Variants in TRPC5OS observed in about 807,000 individuals in gnomAD.
The protein encoded by TRPC5OS is TRPC5 opposite strand, also known as putative uncharacterized protein TRPC5OS.
For synonymous variants in TRPC5OS, 30 were observed against 29.3 expected, an observed-to-expected ratio of 1.02 and a Z score of -0.08; for missense variants, 64 against 79.3, an observed-to-expected ratio of 0.81 and a Z score of 0.73.
chrX:111,903,846 C>G lies in TRPC5OS; in HGVS notation c.*1661C>G, dbSNP rs1028442074. The G allele has an allele frequency of 8.9e-6, 1 of 111,997 alleles. No individual in the cohort carries two copies. Among genetic ancestry groups the G allele is most frequent in the African/African-American group, 3.2e-5 (1 of 30,821 alleles). 9.2% of individuals were successfully genotyped at this position (111,997 alleles called of 1,213,427 possible). A position where few individuals can be genotyped will look rare whatever the true frequency, so the allele number is the denominator to read the frequency against. On this transcript the variant is annotated 3_prime_UTR_variant, in exon 4 of 4. Coordinates refer to ENST00000635763, the MANE Select transcript of TRPC5OS (RefSeq NM_001195578.2). ...GGTTAAAATATGTGGGGAGTTGTGC[C>G]TATATAAATTCTTATGTGTGATGAT...
At chrX:111,888,440 C>G (rs1323530830) in intron 1 of TRPC5OS, among the ~76,000 whole-genome samples, 8 of 103,463 alleles carry the variant, frequency 7.7e-5, no homozygotes, top group Non-Finnish European at 9.8e-5. Context: ...TTTGGGAGGC[C>G]GAGGCGGGCG....
At chrX:111,893,191 C>T (rs751845141) in intron 1 of TRPC5OS, among the ~76,000 whole-genome samples, 1 of 109,737 alleles carries the variant, frequency 9.1e-6, no homozygotes, top group Non-Finnish European at 1.9e-5. Flanking sequence ...TTTTCCCTCT[C>T]AGAAAGCTGA....
intron 1 of TRPC5OS, among the ~76,000 whole-genome samples, chrX:111,881,633 T>C (rs1200931561): frequency 9.3e-6 from 1 of 108,103 alleles, no homozygotes; most frequent in Non-Finnish European, 1.9e-5. Context: ...CAATTCAGGG[T>C]TTGCTTGCTG....
chrX:111,890,874 C>A (rs752204702), intron 1 of TRPC5OS, among the ~76,000 whole-genome samples: 8 of 111,226 alleles, frequency 7.2e-5, no homozygotes, highest in Non-Finnish European at 9.4e-5. Flanking sequence ...TCCTCCCACC[C>A]TCGACCCTCT....
intron 1 of TRPC5OS, among the ~76,000 whole-genome samples, chrX:111,881,142 TTTTG>T (rs200711111): frequency 1.8e-3 from 188 of 104,918 alleles, no homozygotes; most frequent in African/African-American, 6.9e-3. Context: ...TGTGATTTTC[TTTTG>T]TTTATTTTAT....
Position 111,902,689 on chromosome X carries a change from G to T in TRPC5OS, c.*504G>T, listed in dbSNP as rs1180372272. On this transcript the variant is annotated 3_prime_UTR_variant, in exon 4 of 4. Transcript: ENST00000635763. ...CCTTACTTATCCTTTAAGAAAGCAT[G>T]TGTCCGACAAAAAATGCTATAGCAG... is the stretch of plus-strand genomic sequence containing the variant. 1 of 112,229 alleles carries T rather than the reference G, an allele frequency of 8.9e-6. No individual in the cohort carries two copies. Among genetic ancestry groups the T allele is most frequent in the East Asian group, 2.8e-4 (1 of 3,592 alleles). 9.2% of individuals were successfully genotyped at this position (112,229 alleles called of 1,213,427 possible). A position where few individuals can be genotyped will look rare whatever the true frequency, so the allele number is the denominator to read the frequency against.
At position 111,901,846 on chromosome X, in the gene TRPC5OS, C is replaced by A. The variant is rs1221392172; in HGVS notation, c.-4C>A. On this transcript the variant is annotated 5_prime_UTR_variant, in exon 4 of 4. Coordinates refer to ENST00000635763, the MANE Select transcript of TRPC5OS (RefSeq NM_001195578.2). ...ATTTTATCTATTTAGAAGAGCACTG[C>A]AGCATGGATTCTGTGTTAATTCATG... is the stretch of plus-strand genomic sequence containing the variant. The A allele has an allele frequency of 2.7e-6, 3 of 1,120,885 alleles. No individual in the cohort carries two copies. Among genetic ancestry groups the A allele is most frequent in the Non-Finnish European group, 3.5e-6 (3 of 853,951 alleles). The allele number at this position is 1,120,885 out of a possible 1,213,427, so 92.4% of individuals were successfully genotyped here. A position where few individuals can be genotyped will look rare whatever the true frequency, so the allele number is the denominator to read the frequency against.
At chrX:111,882,572 C>T (rs2148600471) in intron 1 of TRPC5OS, among the ~76,000 whole-genome samples, 1 of 113,154 alleles carries the variant, frequency 8.8e-6, no homozygotes, top group African/African-American at 3.2e-5. Context: ...GCCAGCACCT[C>T]AGCTTAGATA....
intron 1 of TRPC5OS, among the ~76,000 whole-genome samples, chrX:111,893,781 CCTA>C: frequency 8.9e-6 from 1 of 111,794 alleles, no homozygotes; most frequent in Non-Finnish European, 1.9e-5. Context: ...AATGTCAGAT[CCTA>C]TAACAGGCAA....
chrX:111,886,512 G>T (rs140071714), intron 1 of TRPC5OS, among the ~76,000 whole-genome samples: 1 of 111,482 alleles, frequency 9.0e-6, no homozygotes, highest in African/African-American at 3.3e-5. Flanking sequence ...TTTCATTATG[G>T]GATATTTGTT....
chrX:111,884,157 T>A (rs1056978598), intron 1 of TRPC5OS, among the ~76,000 whole-genome samples: 2 of 112,183 alleles, frequency 1.8e-5, no homozygotes, highest in Non-Finnish European at 3.8e-5. Flanking sequence ...CTGGCTAGAG[T>A]TTTATTAAGG....
At chrX:111,893,376 A>G (rs1460284585) in intron 1 of TRPC5OS, among the ~76,000 whole-genome samples, 1 of 111,839 alleles carries the variant, frequency 8.9e-6, no homozygotes, top group Non-Finnish European at 1.9e-5. Context: ...CATAGCAGCC[A>G]AGCCTCAAGG....
chrX:111,900,889 A>G (rs1023778768), intron 3 of TRPC5OS, among the ~76,000 whole-genome samples: 1 of 111,932 alleles, frequency 8.9e-6, no homozygotes, highest in African/African-American at 3.2e-5. Flanking sequence ...GCCAATATCT[A>G]GATTTTCAAA....
intron 1 of TRPC5OS, among the ~76,000 whole-genome samples, chrX:111,881,270 G>A: frequency 9.1e-6 from 1 of 109,839 alleles, no homozygotes; most frequent in East Asian, 2.8e-4. Flanking sequence ...TCCACCTCCC[G>A]GGTTCAAGTG....
intron 1 of TRPC5OS, among the ~76,000 whole-genome samples, chrX:111,892,893 A>G (rs1015722490): frequency 3.6e-5 from 4 of 111,562 alleles, no homozygotes; most frequent in African/African-American, 9.8e-5. Flanking sequence ...CTCCAGTGCA[A>G]TTATATCAGC....
chrX:111,882,237 C>A lies in TRPC5OS; in HGVS notation c.-546+5964C>A, dbSNP rs773057026. 8.4e-5 allele frequency among the ~76,000 whole-genome samples: 9 copies of A among 107,193 alleles called. No individual in the cohort carries two copies. The South Asian group carries it at 2.0e-3, about 24-fold the overall frequency. The allele number at this position is 107,193 out of a possible 115,157, so 93.1% of individuals were successfully genotyped here. A position where few individuals can be genotyped will look rare whatever the true frequency, so the allele number is the denominator to read the frequency against. ...GGTGGAGTGTTATATAAAAGAGTAT[C>A]CCCCTGGTTTCTTGGGAGTGTCAAT... On this transcript the variant is annotated intron_variant, in intron 1 of 3. Coordinates refer to ENST00000635763, the MANE Select transcript of TRPC5OS (RefSeq NM_001195578.2).
At chrX:111,889,764 G>T (rs1924712145) in intron 1 of TRPC5OS, among the ~76,000 whole-genome samples, 1 of 111,783 alleles carries the variant, frequency 8.9e-6, no homozygotes, top group African/African-American at 3.2e-5. Flanking sequence ...TATTCTGAGT[G>T]TATCTATCTC....
intron 1 of TRPC5OS, among the ~76,000 whole-genome samples, chrX:111,894,038 T>C (rs764862058): frequency 9.0e-6 from 1 of 111,522 alleles, no homozygotes; most frequent in South Asian, 3.8e-4. Flanking sequence ...ATTGAATGCA[T>C]GTATCCAAAT....
intron 1 of TRPC5OS, among the ~76,000 whole-genome samples, chrX:111,876,827 G>C (rs983761725): frequency 3.6e-5 from 4 of 111,642 alleles, no homozygotes; most frequent in Non-Finnish European, 7.5e-5. Context: ...GGGTATGGTG[G>C]TGGTTTTTGT....
Sources: allele counts gnomAD v4.1 joint callset (sites outside exome capture counted in the v4.1 genomes callset), GRCh38; gene constraint gnomAD v4.1.1; transcripts MANE v1.5; gene names NCBI Gene and HGNC (gene_info 2026-07-23, HGNC 2026-07-21).